PITRM1: variants seen among roughly 807,000 people sequenced by gnomAD.
The protein encoded by PITRM1 is pitrilysin metallopeptidase 1, also known as presequence protease, mitochondrial.
Under a neutral mutation model 129.9 loss-of-function variants are expected in PITRM1, and 100 were observed. The ratio of observed to expected loss-of-function variants is 0.77; its 90% CI spans 0.65 to 0.91. PITRM1 has a LOEUF of 0.91. Ranked by LOEUF, PITRM1 falls within the 40% of genes least tolerant of loss-of-function variation. The pLI is 0.00. For missense variants in PITRM1, 1,471 were observed against 1,318.3 expected (o/e 1.12, Z -1.79); for synonymous variants, 591 against 508.8 (o/e 1.16, Z -2.17).
chr10:3,172,827 C>G, upstream of PITRM1: 1 of 1,514,338 alleles, frequency 6.6e-7, no homozygotes, highest in South Asian at 1.2e-5. Context: ...CGACGCAGGG[C>G]GCGGGGCGGG....
At position 3,166,209 on chromosome 10, in the gene PITRM1, G is replaced by C. The variant is rs1842847233; in HGVS notation, c.418+20C>G. On this transcript the variant is annotated intron_variant, in intron 4 of 26. Coordinates refer to ENST00000224949, the MANE Select transcript of PITRM1 (RefSeq NM_014889.4). ...CCTGGCAAACCCAAAAGCAGTTTCT[G>C]TTCAGGATGCTGGTCTTACCTGTGA... The C allele has an allele frequency of 1.3e-6, 2 of 1,581,242 alleles. No homozygotes were observed. The highest frequency in any genetic ancestry group is 2.7e-5 in the African/African-American group (2 of 73,654).
intron 7 of PITRM1, among the ~76,000 whole-genome samples, chr10:3,161,060 C>T (rs112911942): frequency 0.012 from 1,772 of 152,088 alleles, 15 homozygotes; most frequent in Non-Finnish European, 0.015. Flanking sequence ...CGTGCCTGAC[C>T]GGCTAATTTT....
In PITRM1 at chr10:3,167,006, T is replaced by G; in HGVS notation, c.196A>C (p.Lys66Gln). ...GCTCCTGTGTCATCATGGGTGAGCTTCACTGCAGTCAGGAACAGCTCGGGA... is the reference window on the plus strand; with the variant it reads ...GCTCCTGTGTCATCATGGGTGAGCTGCACTGCAGTCAGGAACAGCTCGGGA... ...SVPELFLTAVKLTHDDTGARY... is the reference protein window; with the variant it reads ...SVPELFLTAVQLTHDDTGARY... The change falls in exon 3 of 27, where the codon AAG becomes CAG. Residue 66 changes from lysine to glutamine, a missense_variant. Physicochemically the swap from Lys to Gln is moderately conservative, Grantham distance 53. Transcript: ENST00000224949. 1 of 1,610,374 alleles carries G rather than the reference T, an allele frequency of 6.2e-7. No homozygotes were observed. The highest frequency in any genetic ancestry group is 8.5e-7 in the Non-Finnish European group (1 of 1,178,144).
At chr10:3,151,390 A>G in intron 14 of PITRM1, 27 bp from the exon 15 acceptor site, 1 of 1,293,552 alleles carries the variant, frequency 7.7e-7, no homozygotes, top group East Asian at 2.4e-5. Flanking sequence ...AAAAAGGAAT[A>G]TTCAGGGCCA....
At chr10:3,168,415 G>GT (rs1843052910) in intron 2 of PITRM1, among the ~76,000 whole-genome samples, 2 of 151,842 alleles carry the variant, frequency 1.3e-5, no homozygotes, top group Non-Finnish European at 2.9e-5. Context: ...ATGACTTATC[G>GT]TAAGTTTCTA....
In PITRM1 at chr10:3,147,583, C is replaced by T. The variant is rs1232778915; in HGVS notation, c.2224G>A (p.Gly742Arg). ...PAGDLQETFSGMDQVRLMKRI... is the reference protein window; with the variant it reads ...PAGDLQETFSRMDQVRLMKRI... ...TCCAAGCTTCCCACCTGATCCATCC[C>T]GCTGAAGGTCTCCTGCAGGTCCCCT... The change falls in exon 19 of 27, where the codon GGG becomes AGG. Residue 742 changes from glycine (G) to arginine (R), a missense_variant. Physicochemically the swap from Gly to Arg is moderately radical, Grantham distance 125. Coordinates refer to ENST00000224949, the MANE Select transcript of PITRM1 (RefSeq NM_014889.4). The T allele has an allele frequency of 8.1e-6, 13 of 1,613,892 alleles. No homozygotes were observed. Among genetic ancestry groups the T allele is most frequent in the African/African-American group, 4.0e-5 (3 of 74,936 alleles).
chr10:3,155,680 T>G lies in PITRM1; in HGVS notation c.1532A>C (p.His511Pro), dbSNP rs1366216592. ...TLSMRPDDKY[H>P]EKQAQVEATK... ...GGCTTCCACCTGTGCCTGCTTCTCG[T>G]GATACTTGTCATCTGGCCTCATCGA... The change falls in exon 14 of 27, where the codon CAC becomes CCC. Residue 511 changes from histidine to proline, a missense_variant. Physicochemically the swap from His to Pro is moderately conservative, Grantham distance 77. Transcript: ENST00000224949. The G allele has an allele frequency of 6.2e-7, 1 of 1,613,956 alleles. No individual in the cohort carries two copies. Among genetic ancestry groups the G allele is most frequent in the South Asian group, 1.1e-5 (1 of 91,084 alleles).
chr10:3,164,454 C>T (rs937757698), intron 6 of PITRM1, among the ~76,000 whole-genome samples: 1 of 152,274 alleles, frequency 6.6e-6, no homozygotes. Flanking sequence ...ATCCTTTACA[C>T]TCTGAAAAAT....
rs1358623249 is a variant in PITRM1, at chr10:3,148,189, G to A, written c.1974C>T (p.His658=). 1 of 1,613,994 alleles carries A rather than the reference G, an allele frequency of 6.2e-7. No homozygotes were observed. The highest frequency in any genetic ancestry group is 1.3e-5 in the African/African-American group (1 of 75,040). ...ASPHVLPDDS[H]MDTYEQGVLF... ...AGGCTACCTGCTCGTAGGTGTCCAT[G>A]TGTGAGTCGTCGGGGAGCACGTGGG... Residue 658 remains histidine (H), a synonymous_variant, in exon 17 of 27, where the codon CAC becomes CAT. Transcript: ENST00000224949.
At chr10:3,148,545 G>A in intron 16 of PITRM1, 1 of 450,880 alleles carries the variant, frequency 2.2e-6, no homozygotes, top group Non-Finnish European at 3.9e-6. Context: ...AGACACTTGG[G>A]CAGCCAGTGT....
At chr10:3,138,870 T>C (rs1388422966) in intron 25 of PITRM1, 34 bp downstream of exon 25, 3 of 1,608,138 alleles carry the variant, frequency 1.9e-6, no homozygotes, top group African/African-American at 2.7e-5. Context: ...TGTGAGGCTG[T>C]GGGTTGAGAT....
At chr10:3,146,002 C>T (rs995612767) in intron 20 of PITRM1, 1 of 371,482 alleles carries the variant, frequency 2.7e-6, no homozygotes, top group Non-Finnish European at 5.0e-6. Context: ...AATACAGAGA[C>T]TATTAAGATC....
chr10:3,151,146 G>T, intron 15 of PITRM1, 101 bp downstream of exon 15: 1 of 732,334 alleles, frequency 1.4e-6, no homozygotes, highest in Non-Finnish European at 2.5e-6. Flanking sequence ...AAGTGTTTCA[G>T]GGAAAACCTC....
intron 2 of PITRM1, among the ~76,000 whole-genome samples, 170 bp downstream of exon 2, chr10:3,169,934 T>C (rs542704154): frequency 1.3e-5 from 2 of 152,316 alleles, no homozygotes; most frequent in Admixed American, 1.3e-4. Flanking sequence ...CTCATTTCAC[T>C]CACAAGCTCT....
intron 23 of PITRM1, among the ~76,000 whole-genome samples, chr10:3,142,178 A>G (rs540226172): frequency 6.6e-6 from 1 of 152,346 alleles, no homozygotes; most frequent in African/African-American, 2.4e-5. Flanking sequence ...TAGCAGACAG[A>G]TCTGTTCATC....
At position 3,138,349 on chromosome 10, in the gene PITRM1, T is replaced by G. The variant is rs769472265; in HGVS notation, c.2918-12A>C. ...GAAGTGGTCCATTCCTAGAAGACAATCCACAGGCACGATGGAGCCGCTGCC... is the reference window on the plus strand; with the variant it reads ...GAAGTGGTCCATTCCTAGAAGACAAGCCACAGGCACGATGGAGCCGCTGCC... On this transcript the variant is annotated splice_polypyrimidine_tract_variant and intron_variant, in intron 25 of 26. Coordinates refer to ENST00000224949, the MANE Select transcript of PITRM1 (RefSeq NM_014889.4). 1.3e-6 allele frequency: 2 copies of G among 1,596,568 alleles called. No individual in the cohort carries two copies. Among genetic ancestry groups the G allele is most frequent in the Admixed American group, 3.3e-5 (2 of 59,970 alleles).
At chr10:3,138,444 G>T (rs527895370) in intron 25 of PITRM1, 107 bp from the exon 26 acceptor site, 14 of 765,924 alleles carry the variant, frequency 1.8e-5, no homozygotes, top group Middle Eastern at 3.3e-4. Context: ...GTCATTTCAC[G>T]TGCATGTTTC....
rs1044179041 is a variant in PITRM1, at chr10:3,149,601, G to C, written c.1871+20C>G. 6.5e-7 allele frequency: 1 copy of C among 1,529,192 alleles called. No homozygotes were observed. Among genetic ancestry groups the C allele is most frequent in the African/African-American group, 1.4e-5 (1 of 71,574 alleles). The allele number at this position is 1,529,192 out of a possible 1,614,324, so 94.7% of individuals were successfully genotyped here. ...AAGCAGACATTAATAAGACACACAAGGGTATGTTGCGACTCGTACTTGGTG... is the reference window on the plus strand; with the variant it reads ...AAGCAGACATTAATAAGACACACAACGGTATGTTGCGACTCGTACTTGGTG... On this transcript the variant is annotated intron_variant, in intron 16 of 26. Transcript: ENST00000224949.
At chr10:3,144,435 G>T in intron 21 of PITRM1, 69 bp from the exon 22 acceptor site, 4 of 915,076 alleles carry the variant, frequency 4.4e-6, no homozygotes, top group Non-Finnish European at 5.1e-6. Context: ...AGAAGTAACA[G>T]AGTTTATAAA....
Sources: gnomAD v4.1 joint callset for allele counts (sites outside exome capture counted in the v4.1 genomes callset) on GRCh38, gnomAD v4.1.1 for gene constraint, MANE v1.5 for transcripts, NCBI Gene and HGNC (gene_info 2026-07-23, HGNC 2026-07-21) for gene names.